Variants in LRCH1 observed in about 807,000 individuals in gnomAD.
LRCH1 encodes the protein leucine-rich repeat and calponin homology domain-containing protein 1.
In LRCH1, 23 loss-of-function variants were observed where a neutral mutation model predicts 94.9. The ratio of observed to expected loss-of-function variants is 0.24; its 90% CI spans 0.17 to 0.34. LRCH1 has a LOEUF of 0.34. Among genes scored for constraint, LRCH1 ranks in the 10% least tolerant of loss-of-function variants. The pLI is 1.00. For missense variants in LRCH1, 790 were observed against 945.9 expected, an observed-to-expected ratio of 0.84 and a Z score of 2.16; for synonymous variants, 364 against 354.9, an observed-to-expected ratio of 1.03 and a Z score of -0.29.
intron 3 of LRCH1, among the ~76,000 whole-genome samples, chr13:46,674,129 G>A (rs1296976249): frequency 2.0e-5 from 3 of 151,992 alleles, no homozygotes; most frequent in Admixed American, 6.6e-5. Context: ...ACATTCCAGA[G>A]TCAGCAATCC....
In LRCH1 at chr13:46,626,355, C is replaced by T. The variant is rs190915535; in HGVS notation, c.308-23846C>T. Reference sequence around the variant, plus strand: ...TATACATCCAGATGGCCTGAAGTAACTGAAGATCCACAAGAGAAGTAAAAA... The same window carrying T: ...TATACATCCAGATGGCCTGAAGTAATTGAAGATCCACAAGAGAAGTAAAAA... On this transcript the variant is annotated intron_variant, in intron 1 of 19. Coordinates refer to ENST00000389797, the MANE Select transcript of LRCH1 (RefSeq NM_001164211.2). 3.1e-3 allele frequency among the ~76,000 whole-genome samples: 471 copies of T among 152,256 alleles called. 3 individuals are homozygous for T. The highest frequency in any genetic ancestry group is 0.02 in the South Asian group (94 of 4,818).
At chr13:46,682,554 A>G (rs901802262) in intron 4 of LRCH1, among the ~76,000 whole-genome samples, 1 of 152,204 alleles carries the variant, frequency 6.6e-6, no homozygotes, top group African/African-American at 2.4e-5. Context: ...TTTCGGGGAC[A>G]TACTTTGTTC....
At chr13:46,719,832 T>C (rs9595520) in intron 16 of LRCH1, among the ~76,000 whole-genome samples, 1,667 of 151,876 alleles carry the variant, frequency 0.011, 26 homozygotes, top group African/African-American at 0.038. Context: ...ACCCTGTCTC[T>C]ACTAAAAATA....
At chr13:46,578,826 G>T (rs937493923) in intron 1 of LRCH1, among the ~76,000 whole-genome samples, 5 of 152,116 alleles carry the variant, frequency 3.3e-5, no homozygotes, top group African/African-American at 1.2e-4. Context: ...GGGATGTACA[G>T]GGTGTGTGGC....
At chr13:46,600,393 G>A (rs1374601338) in intron 1 of LRCH1, among the ~76,000 whole-genome samples, 1 of 152,076 alleles carries the variant, frequency 6.6e-6, no homozygotes, top group African/African-American at 2.4e-5. Context: ...ACAGAGTTAG[G>A]GTCAAGACTG....
chr13:46,692,703 T>C (rs1346867686), intron 8 of LRCH1, 62 bp downstream of exon 8: 2 of 1,260,058 alleles, frequency 1.6e-6, no homozygotes, highest in Non-Finnish European at 2.3e-6. Context: ...ATGTTTAAAA[T>C]AACCTGTGCA....
intron 1 of LRCH1, among the ~76,000 whole-genome samples, chr13:46,576,963 T>C (rs2050311216): frequency 6.6e-6 from 1 of 152,082 alleles, no homozygotes; most frequent in Non-Finnish European, 1.5e-5. Context: ...AAGCTTGGAG[T>C]CCTTTTCCAA....
chr13:46,649,625 A>T (rs1365119497), intron 1 of LRCH1, among the ~76,000 whole-genome samples: 1 of 152,000 alleles, frequency 6.6e-6, no homozygotes, highest in Non-Finnish European at 1.5e-5. Context: ...GTACTTGGTT[A>T]TTGTCTGTTA....
intron 1 of LRCH1, among the ~76,000 whole-genome samples, chr13:46,620,906 G>C (rs1291134597): frequency 6.6e-6 from 1 of 152,214 alleles, no homozygotes; most frequent in South Asian, 2.1e-4. Flanking sequence ...GCTTATGGAA[G>C]AGATGTAATC....
intron 16 of LRCH1, among the ~76,000 whole-genome samples, chr13:46,717,187 G>T (rs532731949): frequency 1.3e-5 from 2 of 152,280 alleles, no homozygotes; most frequent in East Asian, 3.9e-4. Context: ...TTGAGGTGGA[G>T]GTGAAGCTGC....
At chr13:46,573,008 A>G (rs912429) in intron 1 of LRCH1, among the ~76,000 whole-genome samples, 1 of 152,216 alleles carries the variant, frequency 6.6e-6, no homozygotes, top group Non-Finnish European at 1.5e-5. Context: ...TAAAAGAGAA[A>G]TGATAATAGC....
chr13:46,665,774 A>G (rs1240189997), intron 2 of LRCH1, among the ~76,000 whole-genome samples: 1 of 152,202 alleles, frequency 6.6e-6, no homozygotes, highest in Non-Finnish European at 1.5e-5. Flanking sequence ...AGTTTATAGC[A>G]CCAAGGCTGC....
chr13:46,691,682 G>A (rs945737712), intron 7 of LRCH1, among the ~76,000 whole-genome samples: 3 of 152,086 alleles, frequency 2.0e-5, no homozygotes, highest in African/African-American at 7.2e-5. Context: ...AACGGAGGAG[G>A]TGCCATGCAC....
chr13:46,667,947 A>G (rs2051543003), intron 2 of LRCH1, among the ~76,000 whole-genome samples: 1 of 152,220 alleles, frequency 6.6e-6, no homozygotes, highest in East Asian at 1.9e-4. Flanking sequence ...ATGTCTATAA[A>G]TACACTCACA....
chr13:46,648,471 T>A (rs1747225), intron 1 of LRCH1, among the ~76,000 whole-genome samples: 3,792 of 152,266 alleles, frequency 0.025, 176 homozygotes, highest in African/African-American at 0.085. Flanking sequence ...ACCACACTGC[T>A]CTATGATGTG....
intron 3 of LRCH1, 85 bp from the exon 4 acceptor site, chr13:46,681,656 T>C: frequency 1.1e-6 from 1 of 925,432 alleles, no homozygotes. Flanking sequence ...GTCCAAATAT[T>C]TAAATTCCTT....
At position 46,744,505 on chromosome 13, in the gene LRCH1, G is replaced by C. The variant is rs763202187; in HGVS notation, c.*2657G>C. 5 of 985,230 alleles carry C rather than the reference G, an allele frequency of 5.1e-6. No homozygotes were observed. Among genetic ancestry groups the C allele is most frequent in the Non-Finnish European group, 6.0e-6 (5 of 829,924 alleles). 61.0% of individuals were successfully genotyped at this position (985,230 alleles called of 1,614,324 possible). On this transcript the variant is annotated 3_prime_UTR_variant, in exon 20 of 20. Transcript: ENST00000389797. ...TTCTGGTTTGTTATTTTTAGGGAGA[G>C]ACACTTATGAAATGGGGCTGGTGGA...
chr13:46,715,774 G>C (rs1872290204), intron 16 of LRCH1, 110 bp downstream of exon 16: 3 of 701,710 alleles, frequency 4.3e-6, no homozygotes, highest in African/African-American at 1.7e-5. Context: ...TGCATGCTTG[G>C]TATGAGAAAT....
chr13:46,729,550 CAAAAA>C (rs61033499), intron 18 of LRCH1, among the ~76,000 whole-genome samples: 3 of 89,138 alleles, frequency 3.4e-5, no homozygotes, highest in Non-Finnish European at 4.7e-5. Context: ...GACCCTGTCT[CAAAAA>C]AAAAAAAAAA....
Sources: allele counts gnomAD v4.1 joint callset (sites outside exome capture counted in the v4.1 genomes callset), GRCh38; gene constraint gnomAD v4.1.1; transcripts MANE v1.5; gene names NCBI Gene and HGNC (gene_info 2026-07-23, HGNC 2026-07-21).